SLC17A6: variants seen among roughly 807,000 people sequenced by gnomAD.
SLC17A6 encodes vesicular glutamate transporter 2.
In SLC17A6, 35 loss-of-function variants were observed where a neutral mutation model predicts 67.1. That is an observed-to-expected ratio of 0.52 (90% CI 0.40 to 0.69). The LOEUF is 0.69. Among genes scored for constraint, SLC17A6 ranks in the 30% least tolerant of loss-of-function variants. The pLI is 0.00. For synonymous variants in SLC17A6, 285 were observed against 252.3 expected (o/e 1.13, Z -1.23); for missense variants, 588 against 723.9 (o/e 0.81, Z 2.15).
At chr11:22,362,219 G>T in intron 5 of SLC17A6, 1 of 469,074 alleles carries the variant, frequency 2.1e-6, no homozygotes. Flanking sequence ...AACTTACCTT[G>T]ATGACATCTT....
chr11:22,372,161 C>T (rs1197250714), intron 8 of SLC17A6, among the ~76,000 whole-genome samples: 2 of 151,764 alleles, frequency 1.3e-5, no homozygotes, highest in Non-Finnish European at 2.9e-5. Context: ...AATATGAGTG[C>T]AATGGCTTAA....
chr11:22,352,134 G>A (rs1271561587), intron 3 of SLC17A6, among the ~76,000 whole-genome samples: 2 of 145,652 alleles, frequency 1.4e-5, no homozygotes, highest in African/African-American at 5.1e-5. Flanking sequence ...TTCAGAGACA[G>A]TGGTTTCAGA....
intron 6 of SLC17A6, 42 bp downstream of exon 6, chr11:22,362,867 A>G: frequency 1.4e-6 from 2 of 1,475,290 alleles, no homozygotes; most frequent in South Asian, 1.1e-5. Context: ...GGAAATGTGC[A>G]TAGGCTAAAA....
intron 11 of SLC17A6, among the ~76,000 whole-genome samples, chr11:22,377,099 A>G (rs1165659822): frequency 6.6e-6 from 1 of 152,238 alleles, no homozygotes; most frequent in Non-Finnish European, 1.5e-5. Flanking sequence ...AAGTAAAGAA[A>G]CAAAGGAAAT....
At chr11:22,363,970 G>A (rs1856080553) in intron 6 of SLC17A6, among the ~76,000 whole-genome samples, 1 of 152,078 alleles carries the variant, frequency 6.6e-6, no homozygotes, top group African/African-American at 2.4e-5. Context: ...GTGAAGATAT[G>A]TGACCTTAAA....
chr11:22,366,078 G>A (rs536379683), intron 7 of SLC17A6, among the ~76,000 whole-genome samples: 3 of 151,780 alleles, frequency 2.0e-5, no homozygotes, highest in Non-Finnish European at 2.9e-5. Context: ...TAGTCCCCCC[G>A]CATCCTGAAC....
chr11:22,374,798 T>C lies in SLC17A6; in HGVS notation c.1085T>C (p.Ile362Thr). The C allele has an allele frequency of 2.5e-6, 4 of 1,613,604 alleles. No individual in the cohort carries two copies. The highest frequency in any genetic ancestry group is 3.4e-6 in the Non-Finnish European group (4 of 1,179,812). Residue 362 changes from isoleucine to threonine, a missense_variant, in exon 9 of 12, where the codon ATT (isoleucine) becomes ACT (threonine). Physicochemically the swap from Ile to Thr is moderately conservative, Grantham distance 89. Coordinates refer to ENST00000263160, the MANE Select transcript of SLC17A6 (RefSeq NM_020346.3). ...SAVPHLVMTI[I>T]VPIGGQIADF... ...GTGCCACACTTAGTAATGACAATTA[T>C]TGTGCCTATTGGGGGACAAATTGCA...
intron 7 of SLC17A6, 49 bp downstream of exon 7, chr11:22,365,738 C>A: frequency 6.5e-7 from 1 of 1,544,532 alleles, no homozygotes; most frequent in Non-Finnish European, 8.7e-7. Flanking sequence ...CCATCTCGCC[C>A]CCATTGACCA....
At chr11:22,343,979 G>A (rs1002146588) in intron 3 of SLC17A6, among the ~76,000 whole-genome samples, 2 of 152,090 alleles carry the variant, frequency 1.3e-5, no homozygotes, top group African/African-American at 4.8e-5. Flanking sequence ...CCACAACCAA[G>A]GTCCTAGCGC....
chr11:22,340,958 G>A (rs532119120), intron 1 of SLC17A6, among the ~76,000 whole-genome samples: 41 of 152,270 alleles, frequency 2.7e-4, no homozygotes, highest in African/African-American at 9.4e-4. Context: ...ATTGGGGAGC[G>A]GAATACCAGC....
chr11:22,362,970 T>G (rs1856069027), intron 6 of SLC17A6, 145 bp downstream of exon 6: 2 of 630,078 alleles, frequency 3.2e-6, no homozygotes, highest in Admixed American at 5.7e-5. Flanking sequence ...CATTGTATTC[T>G]GAGAGGATTA....
intron 9 of SLC17A6, 105 bp downstream of exon 9, chr11:22,374,992 C>A: frequency 8.9e-7 from 1 of 1,118,002 alleles, no homozygotes; most frequent in Non-Finnish European, 1.2e-6. Context: ...GATGCAGTTA[C>A]ATTTGTGCCT....
chr11:22,367,753 C>A (rs930708372), intron 7 of SLC17A6, among the ~76,000 whole-genome samples: 1 of 152,048 alleles, frequency 6.6e-6, no homozygotes, highest in Non-Finnish European at 1.5e-5. Context: ...CTACAAATGA[C>A]CCCAGAAAGA....
At chr11:22,362,086 T>G (rs1040799262) in intron 5 of SLC17A6, 1 of 191,964 alleles carries the variant, frequency 5.2e-6, no homozygotes, top group African/African-American at 2.4e-5. Context: ...GAGATATAAA[T>G]TAGGTGATAT....
At chr11:22,369,954 C>A (rs1055665477) in intron 7 of SLC17A6, 85 bp from the exon 8 acceptor site, 1 of 1,321,850 alleles carries the variant, frequency 7.6e-7, no homozygotes, top group Non-Finnish European at 1.0e-6. Context: ...TCATATACAT[C>A]CTGAAAATGC....
intron 7 of SLC17A6, among the ~76,000 whole-genome samples, chr11:22,366,784 T>A (rs1322930160): frequency 6.6e-6 from 1 of 151,940 alleles, no homozygotes; most frequent in African/African-American, 2.4e-5. Context: ...GCGGGTGGAT[T>A]GCCTGAGGTC....
chr11:22,369,619 G>C (rs1856152217), intron 7 of SLC17A6, among the ~76,000 whole-genome samples: 1 of 151,604 alleles, frequency 6.6e-6, no homozygotes, highest in Non-Finnish European at 1.5e-5. Context: ...GAATACATTG[G>C]ATTTTCAACG....
chr11:22,367,998 A>G (rs986942584), intron 7 of SLC17A6, among the ~76,000 whole-genome samples: 1 of 152,226 alleles, frequency 6.6e-6, no homozygotes, highest in African/African-American at 2.4e-5. Flanking sequence ...TGACAGGAAT[A>G]TCATATACTC....
At chr11:22,374,422 C>T (rs1856208422) in intron 8 of SLC17A6, among the ~76,000 whole-genome samples, 1 of 152,048 alleles carries the variant, frequency 6.6e-6, no homozygotes, top group African/African-American at 2.4e-5. Flanking sequence ...CTCTCTCTCT[C>T]TCACCACTTT....
Sources: gnomAD v4.1 joint callset for allele counts (sites outside exome capture counted in the v4.1 genomes callset) on GRCh38, gnomAD v4.1.1 for gene constraint, MANE v1.5 for transcripts, NCBI Gene and HGNC (gene_info 2026-07-23, HGNC 2026-07-21) for gene names.